The following SGK2 variants were observed in gnomAD, a reference collection of about 807,000 sequenced individuals.
The protein encoded by SGK2 is serum/glucocorticoid regulated kinase 2, also known as serine/threonine-protein kinase Sgk2.
A neutral mutation model predicts 47.5 loss-of-function variants in SGK2; 36 were observed. The observed-to-expected ratio is 0.76, with a 90% CI of 0.58 to 1.00. The LOEUF (loss-of-function observed/expected upper bound fraction) is 1.00. SGK2 is among the 50% of genes least tolerant of loss of function. The pLI, the probability that SGK2 is intolerant of heterozygous loss-of-function variation, is 0.00. For missense variants in SGK2, 404 were observed against 467.4 expected, an observed-to-expected ratio of 0.86 and a Z score of 1.25; for synonymous variants, 157 against 181.9, an observed-to-expected ratio of 0.86 and a Z score of 1.10.
chr20:43,577,635 T>C (rs954177636), intron 11 of SGK2, among the ~76,000 whole-genome samples: 3 of 148,356 alleles, frequency 2.0e-5, no homozygotes, highest in Non-Finnish European at 4.5e-5. Context: ...AGGAGTGAGC[T>C]ACCATGCTTG....
chr20:43,575,184 C>T (rs529277683), intron 10 of SGK2, among the ~76,000 whole-genome samples, 180 bp downstream of exon 10: 1 of 152,096 alleles, frequency 6.6e-6, no homozygotes, highest in African/African-American at 2.4e-5. Flanking sequence ...TAGTTTAGGC[C>T]AGGGGCGGTG....
intron 4 of SGK2, 33 bp downstream of exon 4, chr20:43,567,755 T>G (rs758731552): frequency 5.6e-6 from 9 of 1,604,008 alleles, no homozygotes; most frequent in Non-Finnish European, 6.8e-6. Context: ...GAAGCCTGGG[T>G]CTTCCCTTCT....
chr20:43,567,527 G>A (rs1979806694), intron 3 of SGK2, 138 bp from the exon 4 acceptor site: 10 of 743,998 alleles, frequency 1.3e-5, no homozygotes, highest in Admixed American at 2.5e-5. Context: ...GGGGTTCTTC[G>A]GGGGTGAGGA....
rs778259364 is a variant in SGK2 at position 43,576,284 on chromosome 20, C to T, written c.754C>T (p.Gln252Ter). The change falls in exon 11 of 13, where the codon CAG becomes TAG. Residue 252 changes from glutamine (Q) to a stop codon, truncating the protein, a stop_gained. Coordinates refer to ENST00000373100, the MANE Select transcript of SGK2 (RefSeq NM_170693.3). LOFTEE classifies it high-confidence loss of function. ...TGAGAACATTCTGCACCAGCCGCTA[C>T]AGATCCCCGGAGGCCGGACAGTGGC... ...MYENILHQPL[Q>*]IPGGRTVAAC... 8 of 1,614,238 alleles carry T rather than the reference C, an allele frequency of 5.0e-6. No homozygotes were observed. The highest frequency in any genetic ancestry group is 5.9e-6 in the Non-Finnish European group (7 of 1,180,046).
At chr20:43,566,066 G>T in intron 1 of SGK2, 1 of 406,378 alleles carries the variant, frequency 2.5e-6, no homozygotes, top group Non-Finnish European at 4.4e-6. Context: ...TCCTTTTTTA[G>T]GCCACAGGCC....
chr20:43,577,648 CTT>C (rs746290613), intron 11 of SGK2, among the ~76,000 whole-genome samples: 13 of 131,472 alleles, frequency 9.9e-5, no homozygotes, highest in Admixed American at 2.4e-4. Flanking sequence ...CATGCTTGGC[CTT>C]TTTTTTTTTT....
intron 11 of SGK2, among the ~76,000 whole-genome samples, chr20:43,577,823 T>G (rs1400130480): frequency 6.6e-6 from 1 of 152,004 alleles, no homozygotes; most frequent in Non-Finnish European, 1.5e-5. Flanking sequence ...TTGTATTTTT[T>G]TAGTAGAGAC....
chr20:43,559,900 G>A (rs1979284679), intron 1 of SGK2, among the ~76,000 whole-genome samples: 1 of 152,198 alleles, frequency 6.6e-6, no homozygotes, highest in South Asian at 2.1e-4. Flanking sequence ...CTGGGCTGTG[G>A]CAAGTTAGGA....
intron 5 of SGK2, among the ~76,000 whole-genome samples, chr20:43,568,821 G>A (rs1600989859): frequency 6.6e-6 from 1 of 152,246 alleles, no homozygotes; most frequent in East Asian, 1.9e-4. Flanking sequence ...TTTAACACCT[G>A]ACTCCATTAG....
At chr20:43,561,633 C>T (rs1004297180) in intron 1 of SGK2, among the ~76,000 whole-genome samples, 17 of 152,130 alleles carry the variant, frequency 1.1e-4, no homozygotes, top group Admixed American at 4.6e-4. Flanking sequence ...ATGATCCACC[C>T]GCCTCGGCCT....
chr20:43,565,536 G>A (rs953938524), intron 1 of SGK2, among the ~76,000 whole-genome samples: 4 of 152,204 alleles, frequency 2.6e-5, no homozygotes, highest in African/African-American at 9.6e-5. Flanking sequence ...AAGGCCATGA[G>A]GTTGGTGCCT....
At position 43,576,398 on chromosome 20, in the gene SGK2, G is replaced by T; in HGVS notation, c.849+19G>T. ...AGACTTTGTAGGTGACCTACCAGTG[G>T]AGCACTGGCCCCCATGGGGCTCGCA... is the stretch of plus-strand genomic sequence containing the variant. On this transcript the variant is annotated intron_variant, in intron 11 of 12. Transcript: ENST00000373100. 3 of 1,610,768 alleles carry T rather than the reference G, an allele frequency of 1.9e-6. No homozygotes were observed. The South Asian group carries it at 3.3e-5, about 18-fold the overall frequency.
chr20:43,567,856 G>A, intron 4 of SGK2, 60 bp from the exon 5 acceptor site: 2 of 1,572,464 alleles, frequency 1.3e-6, no homozygotes, highest in Non-Finnish European at 1.8e-6. Flanking sequence ...GGGAGGCCTT[G>A]TACTGCTGTT....
Position 43,567,678 on chromosome 20 carries a change from G to C in SGK2, c.100G>C (p.Asp34His). 6.2e-7 allele frequency: 1 copy of C among 1,614,150 alleles called. No individual in the cohort carries two copies. Among genetic ancestry groups the C allele is most frequent in the Non-Finnish European group, 8.5e-7 (1 of 1,180,028 alleles). Reference sequence around the variant, plus strand: ...CTCTTCCCCCAGTGCCCAGCCCACGGACTTCGACTTCCTCAAAGTCATCGG... The same window carrying C: ...CTCTTCCCCCAGTGCCCAGCCCACGCACTTCGACTTCCTCAAAGTCATCGG... ...PSANPNAQPT[D>H]FDFLKVIGKG... Residue 34 changes from aspartate (D) to histidine (H), a missense_variant, in exon 4 of 13, where the codon GAC (aspartate) becomes CAC (histidine). Transcript: ENST00000373100.
At chr20:43,582,158 CTACCTCAGCCTCCTGAG>C (rs11269113) in intron 12 of SGK2, among the ~76,000 whole-genome samples, 129,317 of 151,354 alleles carry the variant, frequency 0.85, 55,402 homozygotes, top group Middle Eastern at 0.91. Context: ...AGCCATCCTC[CTACCTCAGCCTCCTGAG>C]TACCTCAGCC....
rs181145580 is a variant in SGK2, at chr20:43,569,557, G to C, written c.360+41G>C. On this transcript the variant is annotated intron_variant, in intron 6 of 12. Coordinates refer to ENST00000373100, the MANE Select transcript of SGK2 (RefSeq NM_170693.3). Reference sequence around the variant, plus strand: ...GGGAGGCTTCCCTGGGCTGGCTCTCGGCTGGGAGCTGTCCATCCCACATGC... The same window carrying C: ...GGGAGGCTTCCCTGGGCTGGCTCTCCGCTGGGAGCTGTCCATCCCACATGC... The C allele has an allele frequency of 4.4e-6, 7 of 1,604,842 alleles. No individual in the cohort carries two copies. In the African/African-American group the frequency reaches 8.0e-5, roughly 18 times the overall value.
chr20:43,578,522 C>T (rs1024273335), intron 11 of SGK2, among the ~76,000 whole-genome samples: 2 of 152,064 alleles, frequency 1.3e-5, no homozygotes, highest in African/African-American at 4.8e-5. Flanking sequence ...ATGAGGCAAA[C>T]TACCTGGGTT....
chr20:43,567,004 G>T, intron 2 of SGK2, 64 bp from the exon 3 acceptor site: 2 of 1,369,310 alleles, frequency 1.5e-6, no homozygotes, highest in Non-Finnish European at 1.0e-6. Context: ...CAGGGCCTGG[G>T]CCAGGAGAAA....
At position 43,567,927 on chromosome 20, in the gene SGK2, C is replaced by A. The variant is rs200985916; in HGVS notation, c.156C>A (p.Ala52=). 1 of 1,614,116 alleles carries A rather than the reference C, an allele frequency of 6.2e-7. No homozygotes were observed. The highest frequency in any genetic ancestry group is 2.2e-5 in the East Asian group (1 of 44,886). Residue 52 remains alanine, a synonymous_variant, in exon 5 of 13, where the codon GCC becomes GCA. Coordinates refer to ENST00000373100, the MANE Select transcript of SGK2 (RefSeq NM_170693.3). Reference sequence around the variant, plus strand: ...ATGTTTCTTCTCAGGTCCTACTGGCCAAGCGCAAGTCTGATGGGGCGTTCT... The same window carrying A: ...ATGTTTCTTCTCAGGTCCTACTGGCAAAGCGCAAGTCTGATGGGGCGTTCT... The part of the protein sequence containing the change: ...GKGNYGKVLL[A]KRKSDGAFYA...
Sources: gnomAD v4.1 joint callset for allele counts (sites outside exome capture counted in the v4.1 genomes callset) on GRCh38, gnomAD v4.1.1 for gene constraint, MANE v1.5 for transcripts, NCBI Gene and HGNC (gene_info 2026-07-23, HGNC 2026-07-21) for gene names.